TP53BP1: variants seen among roughly 807,000 people sequenced by gnomAD.
The protein encoded by TP53BP1 is tumor protein p53 binding protein 1.
A neutral mutation model predicts 200.8 loss-of-function variants in TP53BP1; 61 were observed. The observed-to-expected ratio is 0.30, with a 90% CI of 0.25 to 0.38. The LOEUF is 0.38. Ranked by LOEUF, TP53BP1 falls within the 10% of genes least tolerant of loss-of-function variation. The pLI is 1.00. For missense variants in TP53BP1, 2,144 were observed against 2,371.9 expected, an observed-to-expected ratio of 0.90 and a Z score of 2.00; for synonymous variants, 822 against 844.3, an observed-to-expected ratio of 0.97 and a Z score of 0.46.
intron 10 of TP53BP1, among the ~76,000 whole-genome samples, chr15:43,472,006 C>T (rs2140098398): frequency 6.6e-6 from 1 of 152,284 alleles, no homozygotes; most frequent in African/African-American, 2.4e-5. Context: ...AGATCAAATT[C>T]TATCACTGAT....
At position 43,421,074 on chromosome 15, in the gene TP53BP1, G is replaced by A. The variant is rs764043263; in HGVS notation, c.4201C>T (p.Arg1401Cys). The A allele has an allele frequency of 1.9e-6, 3 of 1,614,200 alleles. No individual in the cohort carries two copies. The highest frequency in any genetic ancestry group is 2.5e-6 in the Non-Finnish European group (3 of 1,180,026). Residue 1401 changes from arginine to cysteine, a missense_variant, in exon 20 of 28, where the codon CGT becomes TGT. This residue lies in a region of TP53BP1 where 1,700 missense variants were observed against 1,710.3 expected (regional missense o/e 0.99). Transcript: ENST00000382044. ...GGGCGGCCCCTTCGCCCACGCCCAC[G>A]AGGCGTGACTGGAGCCTTCCCTCCC... ...RQGGKAPVTP[R>C]GRGRRGRPPS... is the part of the protein sequence containing the mutation.
intron 24 of TP53BP1, among the ~76,000 whole-genome samples, chr15:43,410,180 C>T (rs2045070865): frequency 1.3e-5 from 2 of 152,212 alleles, no homozygotes; most frequent in Admixed American, 1.3e-4. Context: ...AGCTGATGAA[C>T]ACTTTATAAG....
At chr15:43,449,200 A>G (rs1355345424) in intron 12 of TP53BP1, among the ~76,000 whole-genome samples, 2 of 152,216 alleles carry the variant, frequency 1.3e-5, no homozygotes, top group East Asian at 3.8e-4. Flanking sequence ...ATTACATCTA[A>G]CTGACAGACA....
intron 23 of TP53BP1, chr15:43,415,219 TTTC>T: frequency 1.7e-5 from 4 of 234,970 alleles, no homozygotes; most frequent in East Asian, 1.2e-4. Flanking sequence ...TTTTTTTTTT[TTTC>T]TGGAGACCAA....
At chr15:43,482,574 C>T (rs1400816509) in intron 4 of TP53BP1, among the ~76,000 whole-genome samples, 1 of 152,102 alleles carries the variant, frequency 6.6e-6, no homozygotes, top group East Asian at 1.9e-4. Context: ...CGAGACCATC[C>T]CGGCGAACAA....
intron 1 of TP53BP1, among the ~76,000 whole-genome samples, chr15:43,492,701 A>T (rs2079143833): frequency 6.6e-6 from 1 of 150,444 alleles, no homozygotes. Context: ...ATTTTTCATC[A>T]CCTTCTCGTA....
intron 4 of TP53BP1, among the ~76,000 whole-genome samples, chr15:43,487,585 G>A (rs2079063375): frequency 6.6e-6 from 1 of 151,996 alleles, no homozygotes; most frequent in African/African-American, 2.4e-5. Context: ...CTGAGGTCAG[G>A]AGTTCAAAAC....
chr15:43,409,086 G>A lies in TP53BP1; in HGVS notation c.5411C>T (p.Ala1804Val). ...EDFNEAQCNT[A>V]YQCLLIADQH... ...ATCCGCAATTAGAAGACACTGGTAAGCTGTGTTACACTGCAAGAAAAGAAG... is the reference window on the plus strand; with the variant it reads ...ATCCGCAATTAGAAGACACTGGTAAACTGTGTTACACTGCAAGAAAAGAAG... The change falls in exon 26 of 28, where the codon GCT (alanine) becomes GTT (valine). Residue 1804 changes from alanine (A) to valine (V), a missense_variant. Physicochemically the swap from Ala to Val is moderately conservative, Grantham distance 64. Around this residue, in one of 4 missense-constraint regions of TP53BP1, gnomAD observed 334 missense variants for 453.4 expected, o/e 0.74. Coordinates refer to ENST00000382044, the MANE Select transcript of TP53BP1 (RefSeq NM_001141980.3). 1 of 1,614,150 alleles carries A rather than the reference G, an allele frequency of 6.2e-7. No individual in the cohort carries two copies. Among genetic ancestry groups the A allele is most frequent in the Non-Finnish European group, 8.5e-7 (1 of 1,180,006 alleles).
intron 1 of TP53BP1, among the ~76,000 whole-genome samples, chr15:43,507,785 G>A (rs1328631094): frequency 6.6e-5 from 10 of 151,610 alleles, no homozygotes; most frequent in African/African-American, 2.4e-4. Context: ...GCGCAGTGGC[G>A]AGATCTCGGC....
chr15:43,466,907 C>G (rs1039313363), intron 11 of TP53BP1, among the ~76,000 whole-genome samples: 8 of 151,902 alleles, frequency 5.3e-5, no homozygotes, highest in African/African-American at 1.5e-4. Flanking sequence ...AGGTAAATAC[C>G]AAAAGAAAAA....
At chr15:43,418,180 TAAAAAAA>T (rs757250428) in intron 21 of TP53BP1, among the ~76,000 whole-genome samples, 12 of 100,342 alleles carry the variant, frequency 1.2e-4, no homozygotes, top group African/African-American at 2.8e-4. Context: ...GCTCTGTTTT[TAAAAAAA>T]AAAAAAAAAA....
intron 11 of TP53BP1, among the ~76,000 whole-genome samples, chr15:43,459,051 A>C (rs1275227842): frequency 6.6e-6 from 1 of 152,190 alleles, no homozygotes; most frequent in Non-Finnish European, 1.5e-5. Flanking sequence ...TAAGATGTGC[A>C]TGCTGGCCAG....
intron 23 of TP53BP1, chr15:43,414,032 GA>G (rs893546783): frequency 1.1e-5 from 5 of 440,464 alleles, no homozygotes; most frequent in East Asian, 1.4e-4. Context: ...AAGTCCTTGA[GA>G]AAAAAAACAG....
At chr15:43,416,520 T>C (rs1401762543) in intron 21 of TP53BP1, 104 bp from the exon 22 acceptor site, 4 of 1,109,108 alleles carry the variant, frequency 3.6e-6, no homozygotes, top group Non-Finnish European at 5.1e-6. Context: ...AATTTAGAGA[T>C]CCAACAGTGG....
rs1489980020 is a variant in TP53BP1 at position 43,416,360 on chromosome 15, C to G, written c.4738G>C (p.Glu1580Gln). The change falls in exon 22 of 28, where the codon GAA (glutamate) becomes CAA (glutamine). Residue 1580 changes from glutamate to glutamine, a missense_variant. This residue lies in a region of TP53BP1 where 61 missense variants were observed against 147.5 expected (regional missense o/e 0.41). Coordinates refer to ENST00000382044, the MANE Select transcript of TP53BP1 (RefSeq NM_001141980.3). The stretch of plus-strand genomic sequence containing the variant: ...CGCTTATACCACTTTCTTTGGCCTT[C>G]TTTTTCAATGCTGTAGTACAGTTCC... ...SGELYYSIEK[E>Q]GQRKWYKRMA... 2 of 1,614,068 alleles carry G rather than the reference C, an allele frequency of 1.2e-6. No homozygotes were observed. The highest frequency in any genetic ancestry group is 2.7e-5 in the African/African-American group (2 of 74,922).
chr15:43,474,006 G>A (rs1299766347), intron 10 of TP53BP1, among the ~76,000 whole-genome samples: 3 of 152,230 alleles, frequency 2.0e-5, no homozygotes, highest in South Asian at 2.1e-4. Flanking sequence ...TGCAGGTCCC[G>A]AGTCCTGCCC....
chr15:43,480,076 C>G, intron 5 of TP53BP1, 59 bp from the exon 6 acceptor site: 1 of 1,516,304 alleles, frequency 6.6e-7, no homozygotes, highest in South Asian at 1.2e-5. Context: ...AATGTACAAG[C>G]TGCTGTCCTC....
At position 43,432,290 on chromosome 15, in the gene TP53BP1, G is replaced by A. The variant is rs2045689067; in HGVS notation, c.3579C>T (p.Asn1193=). The change falls in exon 17 of 28, where the codon AAC becomes AAT. Residue 1193 remains asparagine (N), a synonymous_variant. Transcript: ENST00000382044. ...CEQGTSTVDQ[N]FGKQDATVQT... ...GAACTGTGGCATCTTGCTTTCCAAA[G>A]TTCTGGTCCACTGTACTGGTCCCCT... 1 of 1,614,058 alleles carries A rather than the reference G, an allele frequency of 6.2e-7. No homozygotes were observed. The highest frequency in any genetic ancestry group is 8.5e-7 in the Non-Finnish European group (1 of 1,180,018).
intron 1 of TP53BP1, among the ~76,000 whole-genome samples, chr15:43,498,607 T>C (rs1431328026): frequency 6.6e-6 from 1 of 152,136 alleles, no homozygotes; most frequent in African/African-American, 2.4e-5. Flanking sequence ...TGTTCTAGAT[T>C]TGAGAAGACT....
Sources: gnomAD v4.1 joint callset for allele counts (sites outside exome capture counted in the v4.1 genomes callset) on GRCh38, gnomAD v4.1.1 for gene constraint, gnomAD v4.1.1 regional missense constraint, MANE v1.5 for transcripts, NCBI Gene and HGNC (gene_info 2026-07-23, HGNC 2026-07-21) for gene names.